The following PLCH1 variants were observed in gnomAD, a reference collection of about 807,000 sequenced individuals.
PLCH1 encodes the protein 1-phosphatidylinositol 4,5-bisphosphate phosphodiesterase eta-1.
In PLCH1, 60 loss-of-function variants were observed where a neutral mutation model predicts 126.7. The ratio of observed to expected loss-of-function variants is 0.47; its 90% CI spans 0.38 to 0.59. The LOEUF is 0.59. Among genes scored for constraint, PLCH1 ranks in the 20% least tolerant of loss-of-function variants. PLCH1 has a pLI of 0.00. For synonymous variants in PLCH1, 719 were observed against 734.9 expected, an observed-to-expected ratio of 0.98 and a Z score of 0.35; for missense variants, 1,723 against 2,040.0, an observed-to-expected ratio of 0.84 and a Z score of 2.99.
intron 1 of PLCH1, among the ~76,000 whole-genome samples, chr3:155,707,240 T>G (rs76403900): frequency 0.023 from 3,540 of 152,292 alleles, 64 homozygotes; most frequent in African/African-American, 0.054. Flanking sequence ...GTTTATGGCA[T>G]TGTTATAGCA....
rs865850107 is a variant in PLCH1, at chr3:155,546,467, G to A, written c.1362+3320C>T. On this transcript the variant is annotated intron_variant, in intron 10 of 22. Transcript: ENST00000460012. ...TCATAAAAATGGCCATACTGCCCAA[G>A]GTAATTTATAGATTCAATGCCATCC... 7.9e-4 allele frequency among the ~76,000 whole-genome samples: 120 copies of A among 152,154 alleles called. 3 individuals carry two copies. The highest frequency in any genetic ancestry group is 2.8e-3 in the African/African-American group (117 of 41,522).
rs555413595 is a variant in PLCH1 at position 155,491,289 on chromosome 3, G to A, written c.2308-421C>T. The stretch of plus-strand genomic sequence containing the variant: ...TTTGTTATTTTGTTTTTTGAGATAG[G>A]GTCTTACTCTGTAGCTCAGGTCGGA... On this transcript the variant is annotated intron_variant, in intron 18 of 22. Transcript: ENST00000460012. 7.2e-5 allele frequency among the ~76,000 whole-genome samples: 11 copies of A among 152,128 alleles called. No individual in the cohort carries two copies. In the East Asian group the frequency reaches 7.7e-4, roughly 11 times the overall value.
chr3:155,656,211 A>C (rs1176358265), intron 2 of PLCH1, among the ~76,000 whole-genome samples: 1 of 149,862 alleles, frequency 6.7e-6, no homozygotes, highest in Non-Finnish European at 1.5e-5. Flanking sequence ...GCACCAGACC[A>C]ATGTGATTTA....
At position 155,523,819 on chromosome 3, in the gene PLCH1, CCAA is replaced by C. The variant is rs150586226; in HGVS notation, c.1470+75_1470+77del. On this transcript the variant is annotated intron_variant, in intron 11 of 22. Coordinates refer to ENST00000460012, the MANE Select transcript of PLCH1 (RefSeq NM_014996.4). ...CACAGCCACCATAATTGTGAGGCCT[CCAA>C]CACAGTAGCAACTTGGAACTCCATT... is the stretch of plus-strand genomic sequence containing the variant. The C allele has an allele frequency of 7.1e-4, 576 of 812,730 alleles. 3 individuals are homozygous for C. The East Asian group carries it at 0.014, about 20-fold the overall frequency. The allele number at this position is 812,730 out of a possible 1,614,324, so 50.3% of individuals were successfully genotyped here.
intron 2 of PLCH1, among the ~76,000 whole-genome samples, chr3:155,689,424 A>G: frequency 6.6e-6 from 1 of 152,144 alleles, no homozygotes; most frequent in East Asian, 1.9e-4. Flanking sequence ...ACCTTACCAA[A>G]TAAACTAAAT....
At chr3:155,636,064 G>A (rs1232304542) in intron 2 of PLCH1, among the ~76,000 whole-genome samples, 1 of 152,090 alleles carries the variant, frequency 6.6e-6, no homozygotes. Flanking sequence ...TCATTTCATC[G>A]TATCTTTTTT....
At chr3:155,606,400 G>A (rs568569338) in intron 2 of PLCH1, among the ~76,000 whole-genome samples, 1 of 152,250 alleles carries the variant, frequency 6.6e-6, no homozygotes, top group African/African-American at 2.4e-5. Context: ...GCTCTGTTTT[G>A]CATTGCATCA....
At chr3:155,506,508 C>A (rs1199656697) in intron 12 of PLCH1, among the ~76,000 whole-genome samples, 2 of 116,102 alleles carry the variant, frequency 1.7e-5, no homozygotes, top group Non-Finnish European at 3.4e-5. Context: ...CCCCCTCCCC[C>A]CACCCCACCA....
intron 2 of PLCH1, among the ~76,000 whole-genome samples, chr3:155,650,916 C>T (rs1740634666): frequency 6.6e-6 from 1 of 152,032 alleles, no homozygotes; most frequent in African/African-American, 2.4e-5. Context: ...CAGGTGCCTG[C>T]AGTCCCAGCT....
intron 10 of PLCH1, among the ~76,000 whole-genome samples, chr3:155,538,207 T>C (rs1203327499): frequency 1.3e-5 from 2 of 152,084 alleles, no homozygotes; most frequent in African/African-American, 4.8e-5. Context: ...TGAACGATAA[T>C]AGTGACACAA....
At chr3:155,492,708 A>C in intron 18 of PLCH1, 21 bp downstream of exon 18, 1 of 1,540,836 alleles carries the variant, frequency 6.5e-7, no homozygotes, top group Non-Finnish European at 8.7e-7. Flanking sequence ...CCACTTAGAC[A>C]CGTAGTCATA....
chr3:155,727,338 G>GA (rs377298733), intron 1 of PLCH1, among the ~76,000 whole-genome samples: 3,301 of 145,570 alleles, frequency 0.023, 103 homozygotes, highest in African/African-American at 0.08. Flanking sequence ...ACCAAAAAAG[G>GA]AAAAAAAAAT....
chr3:155,695,112 T>G (rs1318621216), intron 2 of PLCH1, among the ~76,000 whole-genome samples: 1 of 152,128 alleles, frequency 6.6e-6, no homozygotes, highest in East Asian at 1.9e-4. Context: ...TTACTAATAG[T>G]GCTATTTTAA....
intron 12 of PLCH1, among the ~76,000 whole-genome samples, chr3:155,508,986 G>T (rs1297000067): frequency 8.3e-6 from 1 of 120,990 alleles, no homozygotes; most frequent in Non-Finnish European, 1.7e-5. Flanking sequence ...TCTGGTCCTG[G>T]ACTCTTTTTG....
intron 9 of PLCH1, among the ~76,000 whole-genome samples, chr3:155,552,386 GA>G (rs1428772987): frequency 6.6e-6 from 1 of 152,168 alleles, no homozygotes; most frequent in African/African-American, 2.4e-5. Context: ...TATATGATAT[GA>G]CAGAAATATG....
chr3:155,624,843 C>A (rs34149020), intron 2 of PLCH1, among the ~76,000 whole-genome samples: 77,602 of 151,898 alleles, frequency 0.51, 22,878 homozygotes, highest in African/African-American at 0.8. Flanking sequence ...ATTCAATGCT[C>A]TCCCCATCAA....
rs764207363 is a variant in PLCH1 at position 155,470,662 on chromosome 3, AG to A, written c.2938+14693del. Among the ~76,000 whole-genome samples, 8 of 152,296 alleles carry A rather than the reference AG, an allele frequency of 5.3e-5. No individual in the cohort carries two copies. In the East Asian group the frequency reaches 1.4e-3, roughly 26 times the overall value. The stretch of plus-strand genomic sequence containing the variant: ...AGTTCAAATGAAGGAAAAAATGTTA[AG>A]GGCAGCCAGAGAGAAAGGTCGGGTT... On this transcript the variant is annotated intron_variant, in intron 21 of 21. Transcript: ENST00000494598.
chr3:155,644,164 T>C (rs1437194832), intron 2 of PLCH1, among the ~76,000 whole-genome samples: 28 of 151,764 alleles, frequency 1.8e-4, no homozygotes, highest in Admixed American at 9.2e-4. Flanking sequence ...ATGGGAAAAA[T>C]GAAGGAATAT....
intron 1 of PLCH1, among the ~76,000 whole-genome samples, chr3:155,728,783 TGGGCACACA>T (rs1298601108): frequency 6.6e-6 from 1 of 152,124 alleles, no homozygotes; most frequent in Non-Finnish European, 1.5e-5. Flanking sequence ...ATTTTAAAAG[TGGGCACACA>T]ATACTGATTG....
Sources: gnomAD v4.1 joint callset for allele counts (sites outside exome capture counted in the v4.1 genomes callset) on GRCh38, gnomAD v4.1.1 for gene constraint, MANE v1.5 for transcripts, NCBI Gene and HGNC (gene_info 2026-07-23, HGNC 2026-07-21) for gene names.